SLC25A26: variants seen among roughly 807,000 people sequenced by gnomAD.
SLC25A26 encodes the protein mitochondrial S-adenosylmethionine carrier protein.
SLC25A26 carries 36 observed loss-of-function variants against 37.8 expected under a neutral mutation model. The ratio of observed to expected loss-of-function variants is 0.95; its 90% CI spans 0.73 to 1.26. The LOEUF (loss-of-function observed/expected upper bound fraction) is 1.26. Among genes scored for constraint, SLC25A26 ranks in the 50% most tolerant of loss-of-function variants. The pLI is 0.00. For synonymous variants in SLC25A26, 129 were observed against 122.5 expected (o/e 1.05, Z -0.35); for missense variants, 390 against 331.1 (o/e 1.18, Z -1.38).
At chr3:66,140,263 T>G (rs2070014682) in intron 1 of SLC25A26, among the ~76,000 whole-genome samples, 1 of 152,198 alleles carries the variant, frequency 6.6e-6, no homozygotes, top group African/African-American at 2.4e-5. Context: ...ATATGCGCCT[T>G]TTCTGAACCA....
intron 1 of SLC25A26, among the ~76,000 whole-genome samples, chr3:66,180,798 G>A (rs376704631): frequency 2.6e-5 from 4 of 152,116 alleles, no homozygotes; most frequent in East Asian, 3.9e-4. Flanking sequence ...GGAATGAAAC[G>A]TGTCCCCCTC....
At chr3:66,256,939 G>T (rs966190856) in intron 3 of SLC25A26, among the ~76,000 whole-genome samples, 1 of 152,152 alleles carries the variant, frequency 6.6e-6, no homozygotes, top group Non-Finnish European at 1.5e-5. Flanking sequence ...AGTCATTTCT[G>T]TGGAATTGAT....
intron 6 of SLC25A26, among the ~76,000 whole-genome samples, chr3:66,355,271 T>C (rs1053872854): frequency 1.3e-5 from 2 of 152,000 alleles, no homozygotes; most frequent in African/African-American, 4.8e-5. Flanking sequence ...TTAATATCTT[T>C]ACCGACTTAT....
At chr3:66,189,374 G>A (rs893779061) in intron 1 of SLC25A26, among the ~76,000 whole-genome samples, 117 of 151,828 alleles carry the variant, frequency 7.7e-4, no homozygotes, top group African/African-American at 2.7e-3. Context: ...AATACTGATT[G>A]TGATACTGCT....
chr3:66,354,239 C>T (rs2076525170), intron 6 of SLC25A26, among the ~76,000 whole-genome samples: 1 of 151,566 alleles, frequency 6.6e-6, no homozygotes, highest in Non-Finnish European at 1.5e-5. Context: ...CTGTCAGGTC[C>T]GAGTGGTTTT....
At chr3:66,377,519 G>T (rs894162149) in intron 9 of SLC25A26, among the ~76,000 whole-genome samples, 171 bp from the exon 10 acceptor site, 1 of 151,976 alleles carries the variant, frequency 6.6e-6, no homozygotes, top group Non-Finnish European at 1.5e-5. Flanking sequence ...GAAAGTTTTA[G>T]AACTACTGTT....
chr3:66,335,770 G>A (rs1363928752), intron 5 of SLC25A26, among the ~76,000 whole-genome samples: 1 of 152,098 alleles, frequency 6.6e-6, no homozygotes, highest in Non-Finnish European at 1.5e-5. Context: ...TCTGTCTTCC[G>A]ACCATACAGC....
rs921208600 is a variant in SLC25A26, at chr3:66,189,550, A to C, written c.-353-31192A>C. Among the ~76,000 whole-genome samples, 836 of 152,316 alleles carry C rather than the reference A, an allele frequency of 5.5e-3. 13 individuals carry two copies. The highest frequency in any genetic ancestry group is 0.019 in the African/African-American group (801 of 41,564). ...TCACCAAGTTGAGTTTGAACATGAA[A>C]TCTTATACACTCACACTCTAGTTTC... is the stretch of plus-strand genomic sequence containing the variant. On this transcript the variant is annotated intron_variant, in intron 1 of 10. Transcript: ENST00000676754.
chr3:66,327,376 A>G (rs1237581199), intron 5 of SLC25A26, among the ~76,000 whole-genome samples: 1 of 152,178 alleles, frequency 6.6e-6, no homozygotes, highest in Non-Finnish European at 1.5e-5. Context: ...AACACAAGGC[A>G]CTTTGTCTGT....
At chr3:66,158,922 C>T (rs569942447) in intron 1 of SLC25A26, among the ~76,000 whole-genome samples, 7 of 152,068 alleles carry the variant, frequency 4.6e-5, no homozygotes, top group Admixed American at 1.3e-4. Flanking sequence ...TGACCAGGTT[C>T]AACAGCGTAG....
intron 6 of SLC25A26, among the ~76,000 whole-genome samples, chr3:66,358,280 T>G (rs1005216639): frequency 5.3e-5 from 8 of 152,210 alleles, no homozygotes; most frequent in African/African-American, 1.7e-4. Flanking sequence ...TTTTATGAGT[T>G]TAAGGTTGCA....
At chr3:66,140,763 C>T (rs1450536051) in intron 1 of SLC25A26, among the ~76,000 whole-genome samples, 1 of 152,140 alleles carries the variant, frequency 6.6e-6, no homozygotes, top group Non-Finnish European at 1.5e-5. Flanking sequence ...GGAATTCTTA[C>T]TGTATCACAT....
intron 6 of SLC25A26, among the ~76,000 whole-genome samples, chr3:66,349,993 T>G (rs2076412842): frequency 6.6e-6 from 1 of 152,248 alleles, no homozygotes; most frequent in South Asian, 2.1e-4. Flanking sequence ...TAATACTGTT[T>G]TTTAAACATC....
intron 3 of SLC25A26, among the ~76,000 whole-genome samples, chr3:66,247,941 A>C (rs1372415522): frequency 6.6e-6 from 1 of 152,222 alleles, no homozygotes; most frequent in Non-Finnish European, 1.5e-5. Flanking sequence ...GGAATAGAAA[A>C]CATTTATAGC....
intron 5 of SLC25A26, among the ~76,000 whole-genome samples, chr3:66,288,728 G>A (rs1224753966): frequency 6.6e-6 from 1 of 152,158 alleles, no homozygotes; most frequent in Non-Finnish European, 1.5e-5. Flanking sequence ...GTCTATCATT[G>A]ATGGGCATTT....
At chr3:66,333,888 A>G (rs535800852) in intron 5 of SLC25A26, among the ~76,000 whole-genome samples, 1 of 152,286 alleles carries the variant, frequency 6.6e-6, no homozygotes, top group South Asian at 2.1e-4. Context: ...TATTACAGAG[A>G]GTGCAAGTCT....
At chr3:66,172,181 C>G (rs984288621) in intron 1 of SLC25A26, among the ~76,000 whole-genome samples, 1 of 151,966 alleles carries the variant, frequency 6.6e-6, no homozygotes, top group African/African-American at 2.4e-5. Flanking sequence ...AAGGTGGAGG[C>G]AGGAGGATCA....
intron 1 of SLC25A26, among the ~76,000 whole-genome samples, chr3:66,134,757 T>G (rs949603882): frequency 6.6e-6 from 1 of 152,202 alleles, no homozygotes; most frequent in East Asian, 1.9e-4. Flanking sequence ...ATCAGGACAC[T>G]GAGTTGGAGA....
At chr3:66,214,201 T>G (rs2071327326) in intron 1 of SLC25A26, among the ~76,000 whole-genome samples, 1 of 152,054 alleles carries the variant, frequency 6.6e-6, no homozygotes, top group Non-Finnish European at 1.5e-5. Context: ...TGAGAGCTGG[T>G]TGTTAAAAAG....
Sources: allele counts gnomAD v4.1 joint callset (sites outside exome capture counted in the v4.1 genomes callset), GRCh38; gene constraint gnomAD v4.1.1; transcripts MANE v1.5; gene names NCBI Gene and HGNC (gene_info 2026-07-23, HGNC 2026-07-21).